The following POT1 variants were observed in gnomAD, a reference collection of about 807,000 sequenced individuals.
POT1 encodes the protein protection of telomeres protein 1.
Under a neutral mutation model 78.5 loss-of-function variants are expected in POT1, and 47 were observed. The observed-to-expected ratio is 0.60, with a 90% CI of 0.47 to 0.76. POT1 has a LOEUF of 0.76. Among genes scored for constraint, POT1 ranks in the 30% least tolerant of loss-of-function variants. POT1 has a pLI of 0.00. For missense variants in POT1, 646 were observed against 749.9 expected, an observed-to-expected ratio of 0.86 and a Z score of 1.62; for synonymous variants, 259 against 260.7, an observed-to-expected ratio of 0.99 and a Z score of 0.06.
intron 8 of POT1, among the ~76,000 whole-genome samples, chr7:124,862,532 T>C (rs766241337): frequency 1.1e-4 from 17 of 152,158 alleles, no homozygotes; most frequent in Admixed American, 6.5e-5. Flanking sequence ...TGTATATGAG[T>C]GTGCTATTTT....
At chr7:124,889,824 T>G (rs1796327505) in intron 6 of POT1, among the ~76,000 whole-genome samples, 2 of 151,992 alleles carry the variant, frequency 1.3e-5, no homozygotes, top group African/African-American at 4.8e-5. Flanking sequence ...AAAAAGATTC[T>G]TTTCAAAATA....
intron 12 of POT1, among the ~76,000 whole-genome samples, chr7:124,845,169 T>C (rs1236876634): frequency 1.3e-5 from 2 of 152,228 alleles, no homozygotes; most frequent in East Asian, 3.8e-4. Context: ...TTAACAAACA[T>C]TACTCAAATT....
chr7:124,858,683 C>A, intron 9 of POT1: 1 of 213,010 alleles, frequency 4.7e-6, no homozygotes, highest in Non-Finnish European at 9.1e-6. Flanking sequence ...TATTATCTCA[C>A]ACAACAAAAT....
chr7:124,900,511 T>G (rs1796592816), intron 3 of POT1, among the ~76,000 whole-genome samples: 1 of 152,100 alleles, frequency 6.6e-6, no homozygotes, highest in Non-Finnish European at 1.5e-5. Context: ...GTAAGTTCCT[T>G]GGACTGAAAG....
intron 3 of POT1, among the ~76,000 whole-genome samples, chr7:124,910,357 A>G (rs1796861835): frequency 6.6e-6 from 1 of 152,020 alleles, no homozygotes; most frequent in African/African-American, 2.4e-5. Flanking sequence ...CGGTTTCTCT[A>G]CTTATTCTAA....
chr7:124,900,878 GC>G, intron 3 of POT1: 1 of 359,202 alleles, frequency 2.8e-6, no homozygotes. Flanking sequence ...CAGGTCCCAT[GC>G]CCACAGAGTT....
chr7:124,893,857 C>T (rs1010418603), intron 5 of POT1, among the ~76,000 whole-genome samples: 12 of 151,532 alleles, frequency 7.9e-5, no homozygotes, highest in African/African-American at 2.9e-4. Context: ...TTGAGCTCAG[C>T]TCGTGTCTCC....
intron 7 of POT1, among the ~76,000 whole-genome samples, chr7:124,867,456 C>T (rs1795756133): frequency 6.6e-6 from 1 of 152,016 alleles, no homozygotes; most frequent in Non-Finnish European, 1.5e-5. Flanking sequence ...CCATGCTGGT[C>T]TTATTTCTGT....
chr7:124,915,747 C>T (rs1348129896), intron 2 of POT1, 101 bp from the exon 3 acceptor site: 1 of 152,058 alleles, frequency 6.6e-6, no homozygotes, highest in African/African-American at 2.4e-5. Flanking sequence ...CAACAGTTTT[C>T]TTTCAAGAAG....
intron 8 of POT1, among the ~76,000 whole-genome samples, chr7:124,863,050 T>C (rs1340244432): frequency 6.6e-6 from 1 of 152,044 alleles, no homozygotes; most frequent in Admixed American, 6.6e-5. Flanking sequence ...CTACAAACTA[T>C]GAAATAATAG....
intron 17 of POT1, among the ~76,000 whole-genome samples, chr7:124,826,891 C>CAAAT (rs1794643708): frequency 6.6e-6 from 1 of 151,850 alleles, no homozygotes; most frequent in South Asian, 2.1e-4. Flanking sequence ...AACAAACAAA[C>CAAAT]AAACAAACAA....
chr7:124,838,698 C>T lies in POT1; in HGVS notation c.1369+2275G>A, dbSNP rs151180475. ...TCGGCTCACCGCAACCTCCGCCTCC[C>T]GGGTTCAAGCCATTCTACTGCCTCA... On this transcript the variant is annotated intron_variant, in intron 14 of 18. Transcript: ENST00000357628. 6.4e-3 allele frequency among the ~76,000 whole-genome samples: 973 copies of T among 152,154 alleles called. 12 individuals carry two copies. The highest frequency in any genetic ancestry group is 0.022 in the African/African-American group (901 of 41,514).
chr7:124,846,162 G>GACACACACACACACACACACACAC (rs60301966), intron 12 of POT1, among the ~76,000 whole-genome samples: 29 of 148,718 alleles, frequency 1.9e-4, no homozygotes, highest in Admixed American at 6.0e-4. Flanking sequence ...CATTCATACT[G>GACACACACACACACACACACACAC]ACACACACAC....
chr7:124,858,704 T>G (rs550599364), intron 9 of POT1: 17 of 245,812 alleles, frequency 6.9e-5, no homozygotes, highest in South Asian at 1.6e-4. Flanking sequence ...TTTTCTATAC[T>G]ATTTTCACAG....
intron 1 of POT1, 50 bp from the exon 2 acceptor site, chr7:124,929,049 T>A (rs1259670389): frequency 6.6e-6 from 1 of 152,544 alleles, no homozygotes; most frequent in East Asian, 1.9e-4. Context: ...AATAATTTGC[T>A]TTAAGTCTCT....
At chr7:124,852,860 T>C (rs1795346003) in intron 10 of POT1, 112 bp downstream of exon 10, 1 of 921,826 alleles carries the variant, frequency 1.1e-6, no homozygotes, top group Non-Finnish European at 1.6e-6. Context: ...TTTAAAAACA[T>C]GGCAAATGGC....
chr7:124,926,951 T>C (rs1198098673), intron 2 of POT1, among the ~76,000 whole-genome samples: 1 of 152,054 alleles, frequency 6.6e-6, no homozygotes, highest in Admixed American at 6.6e-5. Flanking sequence ...GTGGAGTGGA[T>C]GATGGGAGGT....
chr7:124,921,627 C>G (rs1053091895), intron 2 of POT1, among the ~76,000 whole-genome samples: 2 of 152,038 alleles, frequency 1.3e-5, no homozygotes, highest in African/African-American at 4.8e-5. Flanking sequence ...AATTTAAAAA[C>G]TCACTAAAAA....
At chr7:124,879,550 T>G (rs1161064838) in intron 6 of POT1, among the ~76,000 whole-genome samples, 4 of 152,148 alleles carry the variant, frequency 2.6e-5, no homozygotes, top group African/African-American at 9.7e-5. Flanking sequence ...TTTTGTTTTG[T>G]TTTGGTTTTC....
Sources: allele counts gnomAD v4.1 joint callset (sites outside exome capture counted in the v4.1 genomes callset), GRCh38; gene constraint gnomAD v4.1.1; transcripts MANE v1.5; gene names NCBI Gene and HGNC (gene_info 2026-07-23, HGNC 2026-07-21).